KIAA1671: variants seen among roughly 807,000 people sequenced by gnomAD.
KIAA1671 encodes uncharacterized protein KIAA1671.
Under a neutral mutation model 131.2 loss-of-function variants are expected in KIAA1671, and 52 were observed. That is an observed-to-expected ratio of 0.40 (90% CI 0.32 to 0.50). KIAA1671 has a LOEUF of 0.50. Among genes scored for constraint, KIAA1671 ranks in the 20% least tolerant of loss-of-function variants. KIAA1671 has a pLI of 0.73. For missense variants in KIAA1671, 2,360 were observed against 2,364.2 expected (o/e 1.00, Z 0.04); for synonymous variants, 1,003 against 961.6 (o/e 1.04, Z -0.80).
Position 25,008,752 on chromosome 22 carries a change from G to A in KIAA1671, c.-207-16881G>A, listed in dbSNP as rs1249714572. Among the ~76,000 whole-genome samples, 4 of 152,212 alleles carry A rather than the reference G, an allele frequency of 2.6e-5. No individual in the cohort carries two copies. The South Asian group carries it at 6.2e-4, about 24-fold the overall frequency. On this transcript the variant is annotated intron_variant, in intron 1 of 12. Transcript: ENST00000358431. ...TGAGGATGATAATGACTAATAACCAGACTTTCCCAGGGCCCAGCACTTACA... is the reference window on the plus strand; with the variant it reads ...TGAGGATGATAATGACTAATAACCAAACTTTCCCAGGGCCCAGCACTTACA...
chr22:25,093,836 CTG>C lies in KIAA1671; in HGVS notation c.4530+44474_4530+44475del, dbSNP rs1568951604. Among the ~76,000 whole-genome samples, 101 of 64,612 alleles carry C rather than the reference CTG, an allele frequency of 1.6e-3. 5 individuals carry two copies. Among genetic ancestry groups the C allele is most frequent in the South Asian group, 3.8e-3 (6 of 1,570 alleles). 42.4% of individuals were successfully genotyped at this position (64,612 alleles called of 152,430 possible). A position where few individuals can be genotyped will look rare whatever the true frequency, so the allele number is the denominator to read the frequency against. ...TGTCTCTCTCTCTTTCTCTCTCTGT[CTG>C]TCTCTCTCTCTCTCTCTCTCTCTCT... On this transcript the variant is annotated intron_variant, in intron 6 of 12. Transcript: ENST00000358431.
intron 6 of KIAA1671, among the ~76,000 whole-genome samples, chr22:25,119,368 A>G (rs188074682): frequency 1.4e-4 from 21 of 152,328 alleles, no homozygotes; most frequent in African/African-American, 3.4e-4. Context: ...ATTCTAGTCC[A>G]GGGAGGCCTG....
intron 6 of KIAA1671, among the ~76,000 whole-genome samples, chr22:25,088,732 C>T (rs1046058189): frequency 7.2e-5 from 11 of 152,282 alleles, no homozygotes; most frequent in African/African-American, 2.4e-4. Context: ...AGAAATTGGT[C>T]TCCCTGCCAT....
At chr22:25,139,182 T>G (rs1932768494) in intron 6 of KIAA1671, among the ~76,000 whole-genome samples, 1 of 152,230 alleles carries the variant, frequency 6.6e-6, no homozygotes, top group Non-Finnish European at 1.5e-5. Context: ...ATAGAAGAAA[T>G]GCTCATTGCC....
At chr22:25,049,528 T>C (rs891836601) in intron 6 of KIAA1671, 164 bp downstream of exon 6, 9 of 727,792 alleles carry the variant, frequency 1.2e-5, no homozygotes, top group African/African-American at 1.1e-4. Flanking sequence ...AGCTGTGTTG[T>C]GGTTCTTGAT....
intron 6 of KIAA1671, among the ~76,000 whole-genome samples, chr22:25,077,249 C>T (rs1257726199): frequency 6.6e-6 from 1 of 152,206 alleles, no homozygotes; most frequent in Admixed American, 6.5e-5. Flanking sequence ...TAAATCACAT[C>T]ATGGCTGTGG....
intron 6 of KIAA1671, among the ~76,000 whole-genome samples, chr22:25,149,955 C>T (rs1932980516): frequency 6.6e-6 from 1 of 152,204 alleles, no homozygotes; most frequent in Admixed American, 6.5e-5. Flanking sequence ...TGTGTTGCAT[C>T]CATTCCATCC....
chr22:25,183,458 C>A (rs1374943400), intron 10 of KIAA1671, among the ~76,000 whole-genome samples: 1 of 128,192 alleles, frequency 7.8e-6, no homozygotes, highest in Non-Finnish European at 1.7e-5. Flanking sequence ...CCCTCCCTCC[C>A]TCCCTCTCTT....
rs1569204014 is a variant in KIAA1671, at chr22:25,005,345, CT to C, written c.-207-20287del. Among the ~76,000 whole-genome samples, 6 of 102,546 alleles carry C rather than the reference CT, an allele frequency of 5.9e-5. No homozygotes were observed. In the South Asian group the frequency reaches 1.0e-3, roughly 17 times the overall value. The allele number at this position is 102,546 out of a possible 152,430, so 67.3% of individuals were successfully genotyped here. On this transcript the variant is annotated intron_variant, in intron 1 of 12. Coordinates refer to ENST00000358431, the MANE Select transcript of KIAA1671 (RefSeq NM_001145206.2). ...CCTGGGTGACAGAGCGAGACTCCAT[CT>C]AAAAAAAAAAAAAAAAAAGAAAAAA...
chr22:25,029,624 C>G, intron 3 of KIAA1671, 84 bp downstream of exon 3: 1 of 986,290 alleles, frequency 1.0e-6, no homozygotes, highest in South Asian at 1.7e-5. Context: ...ATGCTGGGCA[C>G]TTGTCACCCC....
intron 6 of KIAA1671, among the ~76,000 whole-genome samples, chr22:25,095,544 G>A (rs965107606): frequency 1.3e-5 from 2 of 152,118 alleles, no homozygotes; most frequent in South Asian, 2.1e-4. Context: ...CCAGCTACTC[G>A]GGAGGCTGAG....
intron 6 of KIAA1671, among the ~76,000 whole-genome samples, chr22:25,158,894 G>T (rs1268469654): frequency 1.3e-5 from 2 of 152,212 alleles, no homozygotes; most frequent in African/African-American, 4.8e-5. Context: ...GTGAAATGGG[G>T]ATATTAACAG....
chr22:25,125,813 AG>A (rs915416650), intron 6 of KIAA1671, among the ~76,000 whole-genome samples: 1 of 152,222 alleles, frequency 6.6e-6, no homozygotes, highest in Middle Eastern at 3.2e-3. Context: ...CACCCCTGCC[AG>A]TCCTTAAGTA....
intron 1 of KIAA1671, among the ~76,000 whole-genome samples, chr22:24,970,365 G>A (rs1255419403): frequency 6.6e-6 from 1 of 152,340 alleles, no homozygotes; most frequent in East Asian, 1.9e-4. Context: ...ATAGGGCAGG[G>A]CAGGTCATGG....
At chr22:24,980,753 T>TTA (rs1923188736) in intron 1 of KIAA1671, among the ~76,000 whole-genome samples, 1 of 151,310 alleles carries the variant, frequency 6.6e-6, no homozygotes, top group African/African-American at 2.4e-5. Context: ...TATTATTATT[T>TTA]TTTTTTTTTT....
chr22:25,038,292 G>C (rs1006866453), intron 4 of KIAA1671, among the ~76,000 whole-genome samples: 2 of 152,300 alleles, frequency 1.3e-5, no homozygotes, highest in Admixed American at 1.3e-4. Flanking sequence ...GTGAGCCACC[G>C]CGCCTGGCTG....
At chr22:24,953,549 T>G (rs2123787230) in intron 1 of KIAA1671, among the ~76,000 whole-genome samples, 2 of 151,808 alleles carry the variant, frequency 1.3e-5, no homozygotes, top group Non-Finnish European at 2.9e-5. Flanking sequence ...TAAGCCTCAG[T>G]CCCCCTGTTA....
Position 25,138,073 on chromosome 22 carries a change from G to A in KIAA1671, c.4531-32747G>A, listed in dbSNP as rs186770829. Reference sequence around the variant, plus strand: ...CTCTGTATCTGTCAGGATCAGCTAGGTTGTGCTGCAGTGACAAATGGCCCT... The same window carrying A: ...CTCTGTATCTGTCAGGATCAGCTAGATTGTGCTGCAGTGACAAATGGCCCT... On this transcript the variant is annotated intron_variant, in intron 6 of 12. Coordinates refer to ENST00000358431, the MANE Select transcript of KIAA1671 (RefSeq NM_001145206.2). Among the ~76,000 whole-genome samples the A allele has an allele frequency of 1.5e-3, 226 of 152,344 alleles. 1 individual carries two copies. Among genetic ancestry groups the A allele is most frequent in the Middle Eastern group, 0.01 (3 of 294 alleles).
At chr22:24,975,731 T>A (rs964879334) in intron 1 of KIAA1671, among the ~76,000 whole-genome samples, 2 of 152,136 alleles carry the variant, frequency 1.3e-5, no homozygotes, top group African/African-American at 4.8e-5. Context: ...GCAGTATTGA[T>A]CTCTTTTTCC....
Sources: allele counts gnomAD v4.1 joint callset (sites outside exome capture counted in the v4.1 genomes callset), GRCh38; gene constraint gnomAD v4.1.1; transcripts MANE v1.5; gene names NCBI Gene and HGNC (gene_info 2026-07-23, HGNC 2026-07-21).